Variants in GABBR2 observed in about 807,000 individuals in gnomAD.
The protein encoded by GABBR2 is G-protein coupled receptor 51.
A neutral mutation model predicts 105.6 loss-of-function variants in GABBR2; 23 were observed. That is an observed-to-expected ratio of 0.22 (90% CI 0.16 to 0.31). The LOEUF is 0.31. Among genes scored for constraint, GABBR2 ranks in the 10% least tolerant of loss-of-function variants. The pLI is 1.00. For synonymous variants in GABBR2, 478 were observed against 499.7 expected (o/e 0.96, Z 0.58); for missense variants, 734 against 1,245.5 (o/e 0.59, Z 6.18).
rs975949722 is a variant in GABBR2, at chr9:98,482,806, C to G, written c.733-1809G>C. ...TGTCAATTCATCATAATGAAACTCACCCGGTGGCTTCCATGCTGCTCTCTG... is the reference window on the plus strand; with the variant it reads ...TGTCAATTCATCATAATGAAACTCAGCCGGTGGCTTCCATGCTGCTCTCTG... On this transcript the variant is annotated intron_variant, in intron 4 of 18. Transcript: ENST00000259455. 5.3e-5 allele frequency among the ~76,000 whole-genome samples: 8 copies of G among 152,224 alleles called. No homozygotes were observed. In the East Asian group the frequency reaches 7.8e-4, roughly 15 times the overall value.
intron 7 of GABBR2, among the ~76,000 whole-genome samples, chr9:98,413,457 T>C (rs1337418270): frequency 6.6e-6 from 1 of 152,204 alleles, no homozygotes; most frequent in Non-Finnish European, 1.5e-5. Context: ...TATTCTTTTT[T>C]TTTTCTTTAT....
chr9:98,328,821 G>A (rs529075311), intron 13 of GABBR2, among the ~76,000 whole-genome samples: 1 of 152,330 alleles, frequency 6.6e-6, no homozygotes, highest in Non-Finnish European at 1.5e-5. Flanking sequence ...CAGTCACTGA[G>A]AATGTGGGGA....
intron 1 of GABBR2, among the ~76,000 whole-genome samples, chr9:98,611,591 A>G (rs1334735890): frequency 1.3e-5 from 2 of 152,220 alleles, no homozygotes; most frequent in Non-Finnish European, 2.9e-5. Context: ...TTGTAGGCCC[A>G]GGAAAAATGA....
chr9:98,487,028 C>A (rs561403672), intron 4 of GABBR2, among the ~76,000 whole-genome samples: 1 of 152,210 alleles, frequency 6.6e-6, no homozygotes, highest in Non-Finnish European at 1.5e-5. Flanking sequence ...AGGAAGGGAG[C>A]GAAGAGGGAA....
At chr9:98,647,629 G>A (rs142291392) in intron 1 of GABBR2, among the ~76,000 whole-genome samples, 111 of 152,352 alleles carry the variant, frequency 7.3e-4, no homozygotes, top group African/African-American at 2.5e-3. Context: ...TGGATACTGA[G>A]TGCTGGATGT....
chr9:98,587,747 A>G (rs1449318282), intron 1 of GABBR2, among the ~76,000 whole-genome samples: 1 of 152,228 alleles, frequency 6.6e-6, no homozygotes, highest in Non-Finnish European at 1.5e-5. Flanking sequence ...TTTTAACCTC[A>G]CTGCTTTTCA....
At chr9:98,400,475 G>C (rs1004847707) in intron 8 of GABBR2, among the ~76,000 whole-genome samples, 2 of 152,132 alleles carry the variant, frequency 1.3e-5, no homozygotes, top group African/African-American at 4.8e-5. Context: ...GCAGGTTTTG[G>C]GCATGTTCAA....
chr9:98,368,550 C>T (rs1254111570), intron 12 of GABBR2, among the ~76,000 whole-genome samples: 3 of 152,148 alleles, frequency 2.0e-5, no homozygotes, highest in African/African-American at 7.2e-5. Flanking sequence ...CCACAGGGAG[C>T]TTCTAGACAA....
Position 98,308,220 on chromosome 9 carries a change from C to T in GABBR2, c.2005-1875G>A, listed in dbSNP as rs142648979. ...GCCATGCTACTGATGGGCCACCAAG[C>T]CACTGTGAAGGTCTCCACAATAAAT... On this transcript the variant is annotated intron_variant, in intron 14 of 18. Coordinates refer to ENST00000259455, the MANE Select transcript of GABBR2 (RefSeq NM_005458.8). 5.6e-3 allele frequency among the ~76,000 whole-genome samples: 858 copies of T among 152,238 alleles called. 5 individuals carry two copies. Among genetic ancestry groups the T allele is most frequent in the Admixed American group, 0.013 (197 of 15,292 alleles).
At chr9:98,447,060 C>CTTTTTTTTTTTTTTTTTTTTTTTTTTTT in intron 7 of GABBR2, among the ~76,000 whole-genome samples, 1 of 115,912 alleles carries the variant, frequency 8.6e-6, no homozygotes, top group Admixed American at 9.3e-5. Context: ...CTAAAAAAGA[C>CTTTTTTTTTTTTTTTTTTTTTTTTTTTT]TTCTTTTTTT....
At chr9:98,539,363 G>A (rs1310453649) in intron 3 of GABBR2, among the ~76,000 whole-genome samples, 1 of 152,214 alleles carries the variant, frequency 6.6e-6, no homozygotes, top group African/African-American at 2.4e-5. Flanking sequence ...TAGGCTATAT[G>A]CAGGTAGTTC....
chr9:98,386,648 C>A (rs1286502949), intron 10 of GABBR2, among the ~76,000 whole-genome samples: 5 of 152,168 alleles, frequency 3.3e-5, no homozygotes, highest in Admixed American at 6.5e-5. Context: ...CCTGGCCCCC[C>A]CAGCACAATC....
intron 14 of GABBR2, among the ~76,000 whole-genome samples, chr9:98,310,805 G>C (rs568648919): frequency 1.3e-5 from 2 of 152,280 alleles, no homozygotes; most frequent in East Asian, 1.9e-4. Context: ...ACAGCCACGA[G>C]TTTTTGGGTT....
Position 98,593,453 on chromosome 9 carries a change from T to A in GABBR2, c.322-15381A>T, listed in dbSNP as rs184424757. On this transcript the variant is annotated intron_variant, in intron 1 of 18. Transcript: ENST00000259455. ...CAATGGCAGGAGCAGGGGGAAGGGG[T>A]CAGATCAGAACAAGAGGAAGAGTAG... Among the ~76,000 whole-genome samples, 462 of 151,466 alleles carry A rather than the reference T, an allele frequency of 3.1e-3. 4 individuals carry two copies. Among genetic ancestry groups the A allele is most frequent in the African/African-American group, 0.011 (435 of 41,234 alleles).
chr9:98,460,144 G>A (rs1046594304), intron 6 of GABBR2, among the ~76,000 whole-genome samples: 7 of 152,160 alleles, frequency 4.6e-5, no homozygotes, highest in South Asian at 2.1e-4. Context: ...GGTGGCTCAC[G>A]CCTGTATTCC....
intron 13 of GABBR2, among the ~76,000 whole-genome samples, chr9:98,330,008 A>C (rs974933586): frequency 1.3e-5 from 2 of 152,188 alleles, no homozygotes; most frequent in African/African-American, 2.4e-5. Context: ...ATAATTTCGT[A>C]AAATTATCTG....
At chr9:98,296,667 T>A (rs1830387810) in intron 17 of GABBR2, among the ~76,000 whole-genome samples, 1 of 152,244 alleles carries the variant, frequency 6.6e-6, no homozygotes, top group African/African-American at 2.4e-5. Flanking sequence ...GTAAGAACAA[T>A]TTCCAGTTCC....
At chr9:98,406,277 G>C (rs1409254618) in intron 7 of GABBR2, 136 bp from the exon 8 acceptor site, 2 of 551,404 alleles carry the variant, frequency 3.6e-6, no homozygotes, top group Non-Finnish European at 6.3e-6. Context: ...ATTCCCGCTG[G>C]ACCACAGATG....
chr9:98,457,375 T>G (rs1268114857), intron 6 of GABBR2, among the ~76,000 whole-genome samples: 2 of 152,262 alleles, frequency 1.3e-5, no homozygotes, highest in Non-Finnish European at 2.9e-5. Flanking sequence ...ACATTCCCAG[T>G]GTGGTCTCAC....
Sources: allele counts gnomAD v4.1 joint callset (sites outside exome capture counted in the v4.1 genomes callset), GRCh38; gene constraint gnomAD v4.1.1; transcripts MANE v1.5; gene names NCBI Gene and HGNC (gene_info 2026-07-23, HGNC 2026-07-21).